Variants in SYNPO2 observed in about 807,000 individuals in gnomAD.
SYNPO2 encodes synaptopodin 2.
Under a neutral mutation model 85.0 loss-of-function variants are expected in SYNPO2, and 56 were observed. The observed-to-expected ratio is 0.66, with a 90% confidence interval of 0.53 to 0.82. SYNPO2 has a LOEUF of 0.82. SYNPO2 is among the 40% of genes least tolerant of loss of function. The probability of loss-of-function intolerance (pLI) is 0.00; values close to 1 mark genes in which losing one functional copy is unlikely to be tolerated. For synonymous variants in SYNPO2, 602 were observed against 591.1 expected (o/e 1.02, Z -0.27); for missense variants, 1,575 against 1,534.2 (o/e 1.03, Z -0.44).
intron 1 of SYNPO2, among the ~76,000 whole-genome samples, chr4:118,912,931 T>A (rs1733189645): frequency 6.6e-6 from 1 of 152,228 alleles, no homozygotes; most frequent in Non-Finnish European, 1.5e-5. Context: ...TATTTTTTCA[T>A]GTAATTTTCC....
chr4:118,977,756 C>T (rs1211922155), intron 1 of SYNPO2, among the ~76,000 whole-genome samples: 3 of 152,232 alleles, frequency 2.0e-5, no homozygotes, highest in African/African-American at 7.2e-5. Context: ...GAAATTTCTG[C>T]ATTATGTAGG....
intron 1 of SYNPO2, among the ~76,000 whole-genome samples, chr4:119,002,658 A>G (rs1050804069): frequency 1.3e-5 from 2 of 152,052 alleles, no homozygotes; most frequent in African/African-American, 4.8e-5. Context: ...CTTCTTAATC[A>G]TCCTGGGGAT....
rs570601679 is a variant in SYNPO2, at chr4:118,927,927, G to A, written c.105+38786G>A. Among the ~76,000 whole-genome samples, 8 of 152,302 alleles carry A rather than the reference G, an allele frequency of 5.3e-5. No homozygotes were observed. In the South Asian group the frequency reaches 1.7e-3, roughly 32 times the overall value. ...TCAGGAAACTGTGTTGATCTACACAGATTAAACTTTGCCTTTATAATGGAA... is the reference window on the plus strand; with the variant it reads ...TCAGGAAACTGTGTTGATCTACACAAATTAAACTTTGCCTTTATAATGGAA... On this transcript the variant is annotated intron_variant, in intron 1 of 4. Coordinates refer to ENST00000307142, the MANE Select transcript of SYNPO2 (RefSeq NM_133477.3).
At chr4:119,027,529 C>A in intron 3 of SYNPO2, 91 bp downstream of exon 3, 1 of 1,224,030 alleles carries the variant, frequency 8.2e-7, no homozygotes. Flanking sequence ...CAAGATTTTT[C>A]TTATGTTTCT....
At chr4:118,858,860 T>A (rs1002402414) in intron 1 of SYNPO2, among the ~76,000 whole-genome samples, 3 of 152,354 alleles carry the variant, frequency 2.0e-5, no homozygotes, top group Middle Eastern at 3.4e-3. Context: ...AGTTAATATG[T>A]AAGTCACTAA....
chr4:118,911,858 CACATAGACTT>C (rs994490470), intron 1 of SYNPO2, among the ~76,000 whole-genome samples: 5 of 152,036 alleles, frequency 3.3e-5, no homozygotes, highest in African/African-American at 1.2e-4. Context: ...ATACAATGAA[CACATAGACTT>C]ATACAGTAAA....
intron 3 of SYNPO2, among the ~76,000 whole-genome samples, chr4:119,029,385 C>T (rs185145523): frequency 1.7e-3 from 257 of 152,142 alleles, no homozygotes; most frequent in African/African-American, 5.8e-3. Flanking sequence ...CTTCTTGGGA[C>T]GCTCCTCCCT....
chr4:118,915,665 A>T (rs1271844251), intron 1 of SYNPO2, among the ~76,000 whole-genome samples: 1 of 152,110 alleles, frequency 6.6e-6, no homozygotes, highest in Non-Finnish European at 1.5e-5. Context: ...CCTCTTGTAC[A>T]TGGGCAAAGA....
intron 4 of SYNPO2, among the ~76,000 whole-genome samples, chr4:119,047,849 G>C (rs1158368417): frequency 6.6e-6 from 1 of 152,216 alleles, no homozygotes; most frequent in Non-Finnish European, 1.5e-5. Context: ...AGTTAGTAGA[G>C]GCTGCCATTT....
At chr4:119,019,562 G>A in intron 1 of SYNPO2, among the ~76,000 whole-genome samples, 1 of 152,110 alleles carries the variant, frequency 6.6e-6, no homozygotes, top group South Asian at 2.1e-4. Context: ...GTAACTCTGT[G>A]TGTGTAGAAA....
chr4:119,032,194 G>T (rs1738304155), intron 4 of SYNPO2, 167 bp downstream of exon 4: 1 of 1,442,412 alleles, frequency 6.9e-7, no homozygotes, highest in Admixed American at 2.8e-5. Context: ...GGTCCAAGGA[G>T]TATAATATTT....
At chr4:118,985,524 G>A (rs1165333816) in intron 1 of SYNPO2, among the ~76,000 whole-genome samples, 2 of 152,182 alleles carry the variant, frequency 1.3e-5, no homozygotes, top group African/African-American at 2.4e-5. Context: ...CCTCTGTGTT[G>A]TAGACAGGAG....
chr4:118,932,029 G>GT (rs1435994283), intron 1 of SYNPO2, among the ~76,000 whole-genome samples: 1 of 152,216 alleles, frequency 6.6e-6, no homozygotes, highest in African/African-American at 2.4e-5. Flanking sequence ...GCATAATGAA[G>GT]TATAGGCAGT....
intron 1 of SYNPO2, among the ~76,000 whole-genome samples, chr4:118,856,910 T>C (rs1334541927): frequency 1.3e-5 from 2 of 152,202 alleles, no homozygotes; most frequent in African/African-American, 4.8e-5. Context: ...CTCTCTTTCT[T>C]TTCATTCTGT....
In SYNPO2 at chr4:118,857,539, A is replaced by T. The variant is rs1176485723; in HGVS notation, c.12+6599A>T. On this transcript the variant is annotated intron_variant, in intron 1 of 4. Transcript: ENST00000610556. ...TTTCTATACTTGCCAGTAAAGAACC[A>T]CACAGAGCATATGGTTCACTGAAAC... is the stretch of plus-strand genomic sequence containing the variant. 2.6e-5 allele frequency among the ~76,000 whole-genome samples: 4 copies of T among 152,244 alleles called. No individual in the cohort carries two copies. The East Asian group carries it at 7.7e-4, about 29-fold the overall frequency.
chr4:118,869,377 G>T (rs1290430718), intron 1 of SYNPO2, among the ~76,000 whole-genome samples: 3 of 152,124 alleles, frequency 2.0e-5, no homozygotes, highest in African/African-American at 7.2e-5. Context: ...AGAAGTGTAA[G>T]AATTATTGTT....
At chr4:119,009,672 G>A (rs186196469) in intron 1 of SYNPO2, among the ~76,000 whole-genome samples, 3 of 152,280 alleles carry the variant, frequency 2.0e-5, no homozygotes, top group Admixed American at 1.3e-4. Context: ...CCAGGTTCCC[G>A]CTTCTAAGAA....
At chr4:118,941,884 A>T (rs1256925143) in intron 1 of SYNPO2, among the ~76,000 whole-genome samples, 1 of 152,234 alleles carries the variant, frequency 6.6e-6, no homozygotes, top group Non-Finnish European at 1.5e-5. Context: ...TCCGTAGGAA[A>T]GGCAAGGCGA....
At chr4:119,020,631 C>T (rs1392576301) in intron 1 of SYNPO2, among the ~76,000 whole-genome samples, 1 of 152,100 alleles carries the variant, frequency 6.6e-6, no homozygotes, top group South Asian at 2.1e-4. Flanking sequence ...CAACATAAAA[C>T]CTCTTTGGTC....
Sources: allele counts gnomAD v4.1 joint callset (sites outside exome capture counted in the v4.1 genomes callset), GRCh38; gene constraint gnomAD v4.1.1; transcripts MANE v1.5; gene names NCBI Gene and HGNC (gene_info 2026-07-23, HGNC 2026-07-21).